HIRA: variants seen among roughly 807,000 people sequenced by gnomAD.
HIRA encodes the protein protein HIRA.
HIRA carries 13 observed loss-of-function variants against 126.6 expected under a neutral mutation model. The ratio of observed to expected loss-of-function variants is 0.10; its 90% CI spans 0.07 to 0.16. The LOEUF is 0.16. Ranked by LOEUF, HIRA falls within the 10% of genes least tolerant of loss-of-function variation. HIRA has a pLI of 1.00. For missense variants in HIRA, 834 were observed against 1,314.4 expected (o/e 0.63, Z 5.65); for synonymous variants, 511 against 520.0 (o/e 0.98, Z 0.24).
At chr22:19,368,269 G>C (rs905481317) in intron 15 of HIRA, among the ~76,000 whole-genome samples, 1 of 152,152 alleles carries the variant, frequency 6.6e-6, no homozygotes, top group African/African-American at 2.4e-5. Flanking sequence ...GTATCCATGT[G>C]AAAAACTGGG....
chr22:19,336,727 G>A (rs781934979), intron 24 of HIRA, among the ~76,000 whole-genome samples: 5 of 152,200 alleles, frequency 3.3e-5, no homozygotes, highest in Non-Finnish European at 7.3e-5. Context: ...CTTTGCAGAC[G>A]TTCCCCAGCA....
At chr22:19,372,097 G>A (rs1260321903) in intron 15 of HIRA, among the ~76,000 whole-genome samples, 1 of 152,264 alleles carries the variant, frequency 6.6e-6, no homozygotes, top group East Asian at 1.9e-4. Flanking sequence ...GTATATGAGG[G>A]TTCCCTTTAG....
chr22:19,338,813 A>G (rs1158607777), intron 24 of HIRA, among the ~76,000 whole-genome samples: 1 of 152,242 alleles, frequency 6.6e-6, no homozygotes, highest in Non-Finnish European at 1.5e-5. Context: ...TCCCAAATTT[A>G]TAAAACAATT....
chr22:19,377,555 C>A (rs2089030703), intron 14 of HIRA, among the ~76,000 whole-genome samples: 1 of 152,028 alleles, frequency 6.6e-6, no homozygotes, highest in Admixed American at 6.6e-5. Context: ...ATGTGAAGCA[C>A]CTCCAGTGTA....
chr22:19,397,246 C>T (rs890682970), intron 6 of HIRA, among the ~76,000 whole-genome samples: 5 of 152,206 alleles, frequency 3.3e-5, no homozygotes, highest in African/African-American at 9.6e-5. Context: ...GCACTTCTGA[C>T]GTTAGCCTCC....
intron 15 of HIRA, among the ~76,000 whole-genome samples, chr22:19,371,755 T>C (rs2088967282): frequency 6.6e-6 from 1 of 152,250 alleles, no homozygotes; most frequent in Non-Finnish European, 1.5e-5. Context: ...TTCTTTCTCT[T>C]AGCATAATGT....
At chr22:19,430,884 A>G (rs2089530196) in intron 1 of HIRA, among the ~76,000 whole-genome samples, 1 of 152,116 alleles carries the variant, frequency 6.6e-6, no homozygotes, top group African/African-American at 2.4e-5. Context: ...GTTCACCCTG[A>G]TGTCCCAGCT....
chr22:19,330,716 T>A lies in HIRA; in HGVS notation c.*724A>T, dbSNP rs2088474630. ...AGGAGGGTTTGGTATTCAATGCGTG[T>A]TCATTTATTTTACACTTACAAAAGA... On this transcript the variant is annotated 3_prime_UTR_variant, in exon 25 of 25. Transcript: ENST00000263208. 1 of 155,306 alleles carries A rather than the reference T, an allele frequency of 6.4e-6. No individual in the cohort carries two copies. Among genetic ancestry groups the A allele is most frequent in the South Asian group, 2.0e-4 (1 of 5,068 alleles). 9.6% of individuals were successfully genotyped at this position (155,306 alleles called of 1,614,324 possible). A position where few individuals can be genotyped will look rare whatever the true frequency, so the allele number is the denominator to read the frequency against.
chr22:19,402,121 C>T (rs1417205864), intron 5 of HIRA, among the ~76,000 whole-genome samples: 1 of 152,352 alleles, frequency 6.6e-6, no homozygotes, highest in East Asian at 1.9e-4. Context: ...CAACTCCTTA[C>T]AGGACTCTGC....
chr22:19,334,437 G>A (rs1225983896), intron 24 of HIRA, among the ~76,000 whole-genome samples: 3 of 151,020 alleles, frequency 2.0e-5, no homozygotes, highest in African/African-American at 4.8e-5. Flanking sequence ...GATCGCTTGA[G>A]GCCAGGAGTT....
chr22:19,370,965 G>T (rs1171712339), intron 15 of HIRA, among the ~76,000 whole-genome samples: 1 of 152,176 alleles, frequency 6.6e-6, no homozygotes, highest in Non-Finnish European at 1.5e-5. Flanking sequence ...ATACAGTCAA[G>T]ATTCTGTCTC....
At chr22:19,343,886 A>G (rs73160272) in intron 24 of HIRA, among the ~76,000 whole-genome samples, 4 of 145,000 alleles carry the variant, frequency 2.8e-5, no homozygotes, top group Non-Finnish European at 3.0e-5. Flanking sequence ...AAAAAAAAAA[A>G]AGAGAGAGAG....
chr22:19,361,922 C>T lies in HIRA; in HGVS notation c.1785G>A (p.Glu595=), dbSNP rs1263395429. Residue 595 remains glutamate, a synonymous_variant, in exon 16 of 25, where the codon GAG becomes GAA. Transcript: ENST00000263208. ...MTPTAVERLK[E]QNLVKELRPR... is the part of the protein sequence containing the mutation. ...GCCTCAGCTCTTTCACAAGGTTCTG[C>T]TCTTTTAACCTGCACAAAAACATTA... is the stretch of plus-strand genomic sequence containing the variant. The T allele has an allele frequency of 3.1e-6, 5 of 1,614,010 alleles. No homozygotes were observed. In the African/African-American group the frequency reaches 4.0e-5, roughly 13 times the overall value.
chr22:19,394,547 C>G, intron 7 of HIRA, 38 bp from the exon 8 acceptor site: 1 of 1,598,804 alleles, frequency 6.3e-7, no homozygotes, highest in Non-Finnish European at 8.6e-7. Context: ...AGCTCAAGGC[C>G]ACCTTTGTGA....
intron 15 of HIRA, among the ~76,000 whole-genome samples, chr22:19,362,999 T>A (rs1328030769): frequency 1.3e-5 from 2 of 151,190 alleles, no homozygotes; most frequent in African/African-American, 4.9e-5. Flanking sequence ...TTTGGGAGGC[T>A]GAGGTGGGTG....
At chr22:19,402,170 C>T (rs778949044) in intron 5 of HIRA, among the ~76,000 whole-genome samples, 24 of 152,228 alleles carry the variant, frequency 1.6e-4, no homozygotes, top group Non-Finnish European at 2.8e-4. Flanking sequence ...ACTACTCACT[C>T]GTCTGTCTCT....
At chr22:19,391,242 C>G (rs562670255) in intron 9 of HIRA, among the ~76,000 whole-genome samples, 15 of 152,218 alleles carry the variant, frequency 9.9e-5, no homozygotes, top group African/African-American at 3.1e-4. Flanking sequence ...AATGAAGACA[C>G]AAAGAAGCAA....
chr22:19,358,327 C>T (rs2088833002), intron 18 of HIRA, among the ~76,000 whole-genome samples: 1 of 152,200 alleles, frequency 6.6e-6, no homozygotes, highest in Non-Finnish European at 1.5e-5. Flanking sequence ...AACAGGTCTG[C>T]AGGCTGGGCC....
chr22:19,379,319 T>C (rs1237538387), intron 13 of HIRA, among the ~76,000 whole-genome samples: 4 of 151,302 alleles, frequency 2.6e-5, no homozygotes, highest in African/African-American at 7.3e-5. Context: ...GCCGGCAGTT[T>C]TTCAAAGTAG....
Sources: gnomAD v4.1 joint callset for allele counts (sites outside exome capture counted in the v4.1 genomes callset) on GRCh38, gnomAD v4.1.1 for gene constraint, MANE v1.5 for transcripts, NCBI Gene and HGNC (gene_info 2026-07-23, HGNC 2026-07-21) for gene names.